EIF1AX: variants seen among roughly 807,000 people sequenced by gnomAD.
The protein encoded by EIF1AX is eukaryotic translation initiation factor 1A, X-chromosomal.
In EIF1AX, 1 loss-of-function variant was observed where a neutral mutation model predicts 16.1. The observed-to-expected ratio is 0.06, with a 90% CI of 0.02 to 0.30. The LOEUF (loss-of-function observed/expected upper bound fraction) is 0.30. EIF1AX is among the 10% of genes least tolerant of loss of function. The pLI, the probability that EIF1AX is intolerant of heterozygous loss-of-function variation, is 1.00. For synonymous variants in EIF1AX, 32 were observed against 37.3 expected, an observed-to-expected ratio of 0.86 and a Z score of 0.51; for missense variants, 11 against 109.1, an observed-to-expected ratio of 0.10 and a Z score of 4.00.
intron 2 of EIF1AX, among the ~76,000 whole-genome samples, chrX:20,137,848 G>C (rs2067022013): frequency 9.0e-6 from 1 of 110,539 alleles, no homozygotes; most frequent in South Asian, 3.8e-4. Context: ...CTAAATCACA[G>C]AACTGTCAAC....
At position 20,127,645 on chromosome X, in the gene EIF1AX, T is replaced by C. The variant is rs2148606286; in HGVS notation, c.*661A>G. On this transcript the variant is annotated 3_prime_UTR_variant, in exon 7 of 7. Coordinates refer to ENST00000379607, the MANE Select transcript of EIF1AX (RefSeq NM_001412.4). ...TAAGATAACTGAGTGCCACCTAGTG[T>C]TCAATTTCTGCAACTACTAAGCTTA... 1 of 154,197 alleles carries C rather than the reference T, an allele frequency of 6.5e-6. No individual in the cohort carries two copies. Among genetic ancestry groups the C allele is most frequent in the Non-Finnish European group, 1.3e-5 (1 of 78,813 alleles). The allele number at this position is 154,197 out of a possible 1,213,427, so 12.7% of individuals were successfully genotyped here.
intron 5 of EIF1AX, among the ~76,000 whole-genome samples, chrX:20,131,607 AGAGT>A (rs951159615): frequency 9.0e-6 from 1 of 110,800 alleles, no homozygotes; most frequent in African/African-American, 3.3e-5. Flanking sequence ...CCTGGGCAAA[AGAGT>A]GAGACTCCAT....
intron 4 of EIF1AX, 106 bp from the exon 5 acceptor site, chrX:20,132,369 A>G (rs1376468252): frequency 3.7e-6 from 2 of 537,517 alleles, no homozygotes; most frequent in Non-Finnish European, 5.8e-6. Flanking sequence ...CCGTTTTACT[A>G]TAAATCTTTC....
chrX:20,135,911 T>A, intron 2 of EIF1AX, 70 bp from the exon 3 acceptor site: 1 of 754,988 alleles, frequency 1.3e-6, no homozygotes, highest in East Asian at 3.2e-5. Flanking sequence ...AAAGTCCACA[T>A]AAAACTGTCA....
At position 20,125,218 on chromosome X, in the gene EIF1AX, C is replaced by G; in HGVS notation, c.*3088G>C. The G allele has an allele frequency of 6.2e-6, 1 of 162,174 alleles. No homozygotes were observed. The highest frequency in any genetic ancestry group is 1.2e-5 in the Non-Finnish European group (1 of 83,096). 13.4% of individuals were successfully genotyped at this position (162,174 alleles called of 1,213,427 possible). On this transcript the variant is annotated 3_prime_UTR_variant, in exon 7 of 7. Transcript: ENST00000379607. ...CTCCCCTCTCCAGTACACTGCCTCACAAGTACCTAGCAACTTGCAGGGCTA... is the reference window on the plus strand; with the variant it reads ...CTCCCCTCTCCAGTACACTGCCTCAGAAGTACCTAGCAACTTGCAGGGCTA...
At position 20,133,917 on chromosome X, in the gene EIF1AX, C is replaced by T. The variant is rs376252334; in HGVS notation, c.255+40G>A. On this transcript the variant is annotated intron_variant, in intron 4 of 6. Transcript: ENST00000379607. ...CTCTTAAGAAATGGCTCATCAAATT[C>T]AAGCCAGTAAAATAGGAAAAATTTA... The T allele has an allele frequency of 1.1e-3, 1,147 of 1,075,479 alleles. 1 individual carries two copies. The highest frequency in any genetic ancestry group is 1.2e-3 in the Non-Finnish European group (978 of 787,435). 88.6% of individuals were successfully genotyped at this position (1,075,479 alleles called of 1,213,427 possible). A position where few individuals can be genotyped will look rare whatever the true frequency, so the allele number is the denominator to read the frequency against.
chrX:20,136,756 T>C (rs2067018244), intron 2 of EIF1AX, among the ~76,000 whole-genome samples: 1 of 111,614 alleles, frequency 9.0e-6, no homozygotes, highest in Admixed American at 9.5e-5. Flanking sequence ...ACATGGTTGG[T>C]CAACTCAAAG....
At chrX:20,135,881 A>C (rs775772265) in intron 2 of EIF1AX, 40 bp from the exon 3 acceptor site, 5 of 976,204 alleles carry the variant, frequency 5.1e-6, no homozygotes, top group Middle Eastern at 2.6e-4. Context: ...ATATTGTTCA[A>C]CTTTTGATAA....
intron 3 of EIF1AX, among the ~76,000 whole-genome samples, chrX:20,134,524 G>A (rs1232268457): frequency 8.9e-6 from 1 of 111,834 alleles, no homozygotes; most frequent in Non-Finnish European, 1.9e-5. Context: ...GGTCACTTGA[G>A]GTCAGGAGTT....
At chrX:20,136,803 T>C (rs1256514788) in intron 2 of EIF1AX, among the ~76,000 whole-genome samples, 1 of 111,550 alleles carries the variant, frequency 9.0e-6, no homozygotes, top group Non-Finnish European at 1.9e-5. Context: ...AAAGTAATAA[T>C]AAAACAGTGT....
At chrX:20,134,690 A>G (rs891443605) in intron 3 of EIF1AX, among the ~76,000 whole-genome samples, 4 of 110,996 alleles carry the variant, frequency 3.6e-5, no homozygotes, top group Non-Finnish European at 7.6e-5. Flanking sequence ...CTGAGCCAAG[A>G]TTGTGCCACT....
intron 6 of EIF1AX, among the ~76,000 whole-genome samples, chrX:20,129,251 A>G (rs1258209340): frequency 9.0e-6 from 1 of 111,564 alleles, no homozygotes; most frequent in Non-Finnish European, 1.9e-5. Context: ...AGGTATTCCG[A>G]AATTCCATCT....
chrX:20,137,318 T>C lies in EIF1AX; in HGVS notation c.100+1221A>G, dbSNP rs2067020248. Among the ~76,000 whole-genome samples, 3 of 110,473 alleles carry C rather than the reference T, an allele frequency of 2.7e-5. No homozygotes were observed. The South Asian group carries it at 1.2e-3, about 43-fold the overall frequency. On this transcript the variant is annotated intron_variant, in intron 2 of 6. Transcript: ENST00000379607. ...AAAAATACCCAGGCATGGTGGCGGG[T>C]GCCTGTAGTCCCAGCTACTTGGGAG...
At chrX:20,131,937 T>C (rs1894799747) in intron 5 of EIF1AX, among the ~76,000 whole-genome samples, 1 of 108,649 alleles carries the variant, frequency 9.2e-6, no homozygotes, top group African/African-American at 3.4e-5. Context: ...ATAACAAAAT[T>C]ATTCCTTTAG....
rs768855237 is a variant in EIF1AX at position 20,141,804 on chromosome X, T to A, written c.-164A>T. On this transcript the variant is annotated 5_prime_UTR_variant, in exon 1 of 7. Coordinates refer to ENST00000379607, the MANE Select transcript of EIF1AX (RefSeq NM_001412.4). ...GGCTGGCGACCCAGCTCTTCAGAGA[T>A]CCGCCTGCGTCCACGCTCGGCGGCA... The A allele has an allele frequency of 8.5e-6, 4 of 468,235 alleles. No individual in the cohort carries two copies. Among genetic ancestry groups the A allele is most frequent in the African/African-American group, 2.6e-5 (1 of 38,807 alleles). The allele number at this position is 468,235 out of a possible 1,213,427, so 38.6% of individuals were successfully genotyped here. A position where few individuals can be genotyped will look rare whatever the true frequency, so the allele number is the denominator to read the frequency against.
At chrX:20,132,121 T>C in intron 5 of EIF1AX, 61 bp downstream of exon 5, 1 of 946,847 alleles carries the variant, frequency 1.1e-6, no homozygotes, top group East Asian at 3.1e-5. Flanking sequence ...TTCCTTCACC[T>C]AACCAGCAAC....
intron 2 of EIF1AX, among the ~76,000 whole-genome samples, chrX:20,137,208 G>A (rs1158146846): frequency 1.8e-5 from 2 of 111,712 alleles, no homozygotes; most frequent in East Asian, 5.6e-4. Context: ...ACTTTCGGAG[G>A]CCGAGACGGG....
At chrX:20,128,698 A>C (rs1183312416) in intron 6 of EIF1AX, among the ~76,000 whole-genome samples, 1 of 111,840 alleles carries the variant, frequency 8.9e-6, no homozygotes, top group Non-Finnish European at 1.9e-5. Flanking sequence ...AATGTCTCAA[A>C]GAGTAGGGTT....
rs1023712050 is a variant in EIF1AX, at chrX:20,125,646, G to A, written c.*2660C>T. ...AATCTAGCTATTTTACTCAAAACAT[G>A]CTTTTACCTATTTGATTACTCAGAG... is the stretch of plus-strand genomic sequence containing the variant. On this transcript the variant is annotated 3_prime_UTR_variant, in exon 7 of 7. Coordinates refer to ENST00000379607, the MANE Select transcript of EIF1AX (RefSeq NM_001412.4). The A allele has an allele frequency of 2.4e-5, 4 of 163,720 alleles. No individual in the cohort carries two copies. Among genetic ancestry groups the A allele is most frequent in the Non-Finnish European group, 4.7e-5 (4 of 84,918 alleles). The allele number at this position is 163,720 out of a possible 1,213,427, so 13.5% of individuals were successfully genotyped here. A position where few individuals can be genotyped will look rare whatever the true frequency, so the allele number is the denominator to read the frequency against.
Sources: gnomAD v4.1 joint callset for allele counts (sites outside exome capture counted in the v4.1 genomes callset) on GRCh38, gnomAD v4.1.1 for gene constraint, MANE v1.5 for transcripts, NCBI Gene and HGNC (gene_info 2026-07-23, HGNC 2026-07-21) for gene names.